The following KCNT1 variants were observed in gnomAD, a reference collection of about 807,000 sequenced individuals.
The protein encoded by KCNT1 is potassium sodium-activated channel subfamily T member 1, also known as potassium channel subfamily T member 1.
Under a neutral mutation model 147.8 loss-of-function variants are expected in KCNT1, and 78 were observed. That is an observed-to-expected ratio of 0.53 (90% CI 0.44 to 0.64). KCNT1 has a LOEUF of 0.64. KCNT1 is among the 30% of genes least tolerant of loss of function. KCNT1 has a pLI of 0.00. For missense variants in KCNT1, 1,419 were observed against 1,750.3 expected, an observed-to-expected ratio of 0.81 and a Z score of 3.38; for synonymous variants, 867 against 748.8, an observed-to-expected ratio of 1.16 and a Z score of -2.58.
rs1423843692 is a variant in KCNT1, at chr9:135,786,320, G to C, written c.3301G>C (p.Glu1101Gln). Residue 1101 changes from glutamate to glutamine, a missense_variant, in exon 29 of 31, where the codon GAG becomes CAG. Transcript: ENST00000371757. ...GRHTGGGDPA[E>Q]HPLLRRKSLQ... ...CCACACGGGCGGCGGTGACCCCGCA[G>C]AGCACCCACTGCTACGGCGCAAGAG... 1 of 1,599,912 alleles carries C rather than the reference G, an allele frequency of 6.3e-7. No individual in the cohort carries two copies. Among genetic ancestry groups the C allele is most frequent in the South Asian group, 1.1e-5 (1 of 89,236 alleles).
chr9:135,784,177 A>G (rs1231645285), intron 25 of KCNT1, 52 bp downstream of exon 25: 2 of 1,366,592 alleles, frequency 1.5e-6, no homozygotes, highest in South Asian at 2.3e-5. Context: ...GACCCCCGTC[A>G]TGCCCTCAGC....
intron 2 of KCNT1, among the ~76,000 whole-genome samples, chr9:135,746,950 G>T (rs369704508): frequency 3.1e-4 from 47 of 152,250 alleles, no homozygotes; most frequent in African/African-American, 9.4e-4. Flanking sequence ...GGTGGGGGAT[G>T]GTTGGCCTGG....
chr9:135,741,917 C>G (rs1192570824), intron 2 of KCNT1, among the ~76,000 whole-genome samples: 1 of 152,236 alleles, frequency 6.6e-6, no homozygotes, highest in Admixed American at 6.5e-5. Flanking sequence ...AGACCCTCGG[C>G]ACTCCCACCC....
chr9:135,765,480 C>T (rs1832201379), intron 12 of KCNT1, 144 bp from the exon 13 acceptor site: 2 of 965,706 alleles, frequency 2.1e-6, no homozygotes, highest in East Asian at 2.7e-5. Flanking sequence ...CTGCGGGGGC[C>T]CCTCTTTTCC....
intron 2 of KCNT1, among the ~76,000 whole-genome samples, chr9:135,723,557 C>T (rs1327488298): frequency 6.6e-6 from 1 of 152,228 alleles, no homozygotes; most frequent in Non-Finnish European, 1.5e-5. Flanking sequence ...CGACCGACAG[C>T]TGTGCCCACG....
chr9:135,725,931 C>T (rs1460193813), intron 2 of KCNT1, among the ~76,000 whole-genome samples: 2 of 152,010 alleles, frequency 1.3e-5, no homozygotes, highest in Non-Finnish European at 2.9e-5. Flanking sequence ...ACCACCTGGG[C>T]GATAGGGGTC....
At chr9:135,727,046 T>C (rs1267763460) in intron 2 of KCNT1, among the ~76,000 whole-genome samples, 4 of 18,222 alleles carry the variant, frequency 2.2e-4, no homozygotes, top group African/African-American at 4.3e-4. Context: ...ATTCTCTCTC[T>C]CTCTCCCTCT....
At chr9:135,768,994 CGTG>C (rs1343413331) in intron 15 of KCNT1, 57 bp downstream of exon 15, 35 of 1,331,122 alleles carry the variant, frequency 2.6e-5, no homozygotes, top group Non-Finnish European at 3.7e-5. Flanking sequence ...CGTGTGCACA[CGTG>C]GGTGATGGTG....
At chr9:135,791,437 C>T (rs1036078878) in intron 29 of KCNT1, 8 of 282,082 alleles carry the variant, frequency 2.8e-5, no homozygotes, top group East Asian at 9.0e-5. Context: ...TGAACAGACA[C>T]GTCCCGGTGT....
At chr9:135,702,637 A>G (rs1247037092) in intron 1 of KCNT1, among the ~76,000 whole-genome samples, 2 of 152,012 alleles carry the variant, frequency 1.3e-5, no homozygotes, top group African/African-American at 2.4e-5. Context: ...CCGTGGCTAC[A>G]TGGGGGTCCT....
intron 2 of KCNT1, among the ~76,000 whole-genome samples, chr9:135,731,712 A>G (rs1836439594): frequency 6.6e-6 from 1 of 151,724 alleles, no homozygotes; most frequent in Admixed American, 6.6e-5. Flanking sequence ...CTTGATCAGC[A>G]TGGGACCGTC....
intron 13 of KCNT1, 57 bp from the exon 14 acceptor site, chr9:135,768,553 C>T (rs940231652): frequency 4.7e-5 from 67 of 1,438,526 alleles, no homozygotes; most frequent in African/African-American, 2.3e-4. Flanking sequence ...TCCGCACCCC[C>T]GGCTGCACTG....
chr9:135,792,281 G>A lies in KCNT1; in HGVS notation c.*120G>A. 1 of 1,291,016 alleles carries A rather than the reference G, an allele frequency of 7.7e-7. No homozygotes were observed. Among genetic ancestry groups the A allele is most frequent in the Admixed American group, 2.6e-5 (1 of 38,148 alleles). 80.0% of individuals were successfully genotyped at this position (1,291,016 alleles called of 1,614,324 possible). On this transcript the variant is annotated 3_prime_UTR_variant, in exon 31 of 31. Transcript: ENST00000371757. Reference sequence around the variant, plus strand: ...GGGGATGGCACACTCTACTCACCATGGCTCCTGGGACTCCACCCTGGAAAG... The same window carrying A: ...GGGGATGGCACACTCTACTCACCATAGCTCCTGGGACTCCACCCTGGAAAG...
Position 135,765,203 on chromosome 9 carries a change from C to T in KCNT1, c.1200+8C>T, listed in dbSNP as rs773448009. On this transcript the variant is annotated splice_region_variant and intron_variant, in intron 12 of 30. Transcript: ENST00000371757. Reference sequence around the variant, plus strand: ...GCCCACCCCCGGCTCCAGGTGAGGCCCCTTACCGTGGCCCAGCAGACGACT... The same window carrying T: ...GCCCACCCCCGGCTCCAGGTGAGGCTCCTTACCGTGGCCCAGCAGACGACT... 7.5e-6 allele frequency: 12 copies of T among 1,606,806 alleles called. No individual in the cohort carries two copies. Among genetic ancestry groups the T allele is most frequent in the South Asian group, 5.5e-5 (5 of 90,954 alleles).
rs373317695 is a variant in KCNT1, at chr9:135,759,805, G to A, written c.981G>A (p.Ser327=). 6.1e-5 allele frequency: 98 copies of A among 1,613,190 alleles called. 1 individual carries two copies. The highest frequency in any genetic ancestry group is 5.6e-4 in the East Asian group (25 of 44,866). The change falls in exon 11 of 31, where the codon TCG becomes TCA. Residue 327 remains serine (S), a synonymous_variant. Coordinates refer to ENST00000371757, the MANE Select transcript of KCNT1 (RefSeq NM_020822.3). ...YGDVTPKIWP[S]QLLVVIMICV... The stretch of plus-strand genomic sequence containing the variant: ...ACGTCACGCCCAAGATCTGGCCATC[G>A]CAGCTGCTGGTGGTCATCATGATCT...
chr9:135,770,866 G>T lies in KCNT1; in HGVS notation c.1779G>T (p.Val593=), dbSNP rs748744989. The change falls in exon 18 of 31, where the codon GTG becomes GTT. Residue 593 remains valine (V), a synonymous_variant. Transcript: ENST00000371757. ...CGGTGCCTCTGCCCAGGTATGGCGT[G>T]TGCCTCATCGGGCTGAAGCGGGAGG... is the stretch of plus-strand genomic sequence containing the variant. ...AAFHAHKKYG[V]CLIGLKREDN... 3.2e-6 allele frequency: 5 copies of T among 1,571,308 alleles called. No individual in the cohort carries two copies. Among genetic ancestry groups the T allele is most frequent in the South Asian group, 1.2e-5 (1 of 86,334 alleles).
chr9:135,772,139 C>G (rs1458685698), intron 18 of KCNT1, among the ~76,000 whole-genome samples: 1 of 152,204 alleles, frequency 6.6e-6, no homozygotes, highest in African/African-American at 2.4e-5. Context: ...GCTGCTGCTG[C>G]CTAGCCACAC....
chr9:135,723,362 G>A (rs1032091246), intron 2 of KCNT1, among the ~76,000 whole-genome samples: 13 of 152,216 alleles, frequency 8.5e-5, no homozygotes, highest in African/African-American at 1.2e-4. Flanking sequence ...AGGAGATATC[G>A]TCCATCTTGG....
chr9:135,751,054 C>T lies in KCNT1; in HGVS notation c.434+13C>T, dbSNP rs748845591. 9.4e-6 allele frequency: 15 copies of T among 1,603,900 alleles called. No homozygotes were observed. Among genetic ancestry groups the T allele is most frequent in the Admixed American group, 3.3e-5 (2 of 59,928 alleles). ...TGGGCATCGGATGGTGGGCCACGTG[C>T]GCGGCCGGGCGCGGGGTCCCGGGTC... On this transcript the variant is annotated intron_variant, in intron 4 of 30. Coordinates refer to ENST00000371757, the MANE Select transcript of KCNT1 (RefSeq NM_020822.3).
Sources: allele counts gnomAD v4.1 joint callset (sites outside exome capture counted in the v4.1 genomes callset), GRCh38; gene constraint gnomAD v4.1.1; transcripts MANE v1.5; gene names NCBI Gene and HGNC (gene_info 2026-07-23, HGNC 2026-07-21).